CCNC: variants seen among roughly 807,000 people sequenced by gnomAD.
CCNC encodes the protein cyclin-C.
A neutral mutation model predicts 50.0 loss-of-function variants in CCNC; 19 were observed. That is an observed-to-expected ratio of 0.38 (90% confidence interval 0.27 to 0.56). The LOEUF is 0.56. CCNC is among the 20% of genes least tolerant of loss of function. The probability of loss-of-function intolerance (pLI) is 0.72; values close to 1 mark genes in which losing one functional copy is unlikely to be tolerated. For missense variants in CCNC, 200 were observed against 327.1 expected (o/e 0.61, Z 3.00); for synonymous variants, 93 against 103.7 (o/e 0.90, Z 0.63).
Position 99,550,280 on chromosome 6 carries a change from A to G in CCNC, c.468T>C (p.Tyr156=), listed in dbSNP as rs936407288. Residue 156 remains tyrosine, a synonymous_variant, in exon 8 of 12, where the codon TAT becomes TAC. Transcript: ENST00000520429. ...MDCCLIVYHP[Y]RPLLQYVQDM... ...CCTGCACATACTGGAGCAAAGGTCT[A>G]TAAGGATGATACACTATCAAGCAAC... 4.3e-6 allele frequency: 7 copies of G among 1,612,648 alleles called. No homozygotes were observed. In the East Asian group the frequency reaches 6.7e-5, roughly 15 times the overall value.
chr6:99,552,378 ACTTT>A (rs1212263169), intron 5 of CCNC, among the ~76,000 whole-genome samples: 2 of 152,180 alleles, frequency 1.3e-5, no homozygotes, highest in Non-Finnish European at 2.9e-5. Flanking sequence ...ACTAATCTGC[ACTTT>A]CTAAACTTTT....
intron 9 of CCNC, among the ~76,000 whole-genome samples, chr6:99,548,541 G>A (rs529262902): frequency 1.4e-3 from 208 of 151,716 alleles, no homozygotes; most frequent in Non-Finnish European, 2.1e-3. Flanking sequence ...GGGCTGGGGT[G>A]CAGTGGCTCA....
intron 6 of CCNC, among the ~76,000 whole-genome samples, chr6:99,551,594 A>G (rs1314752503): frequency 6.6e-6 from 1 of 152,134 alleles, no homozygotes; most frequent in Admixed American, 6.5e-5. Context: ...TCTGGAAAGG[A>G]TCCAACATCA....
At chr6:99,557,139 C>A (rs531764723) in intron 5 of CCNC, 1 of 152,334 alleles carries the variant, frequency 6.6e-6, no homozygotes, top group South Asian at 2.1e-4. Flanking sequence ...ACTTCCTTCA[C>A]CAAGTTCTAC....
intron 5 of CCNC, among the ~76,000 whole-genome samples, chr6:99,553,896 G>A (rs1397893070): frequency 3.9e-5 from 6 of 152,132 alleles, no homozygotes; most frequent in Admixed American, 2.0e-4. Context: ...TTAGTATGGC[G>A]CATTTGTTAC....
At chr6:99,546,345 T>C (rs2114253045) in intron 10 of CCNC, 50 bp downstream of exon 10, 1 of 1,191,098 alleles carries the variant, frequency 8.4e-7, no homozygotes, top group Non-Finnish European at 1.3e-6. Flanking sequence ...GATAAGTAAA[T>C]ATGACATTAA....
chr6:99,556,548 G>A (rs1324803180), intron 5 of CCNC, among the ~76,000 whole-genome samples: 1 of 152,170 alleles, frequency 6.6e-6, no homozygotes, highest in African/African-American at 2.4e-5. Context: ...GCCAGGCACA[G>A]TGGCTCACGC....
intron 5 of CCNC, among the ~76,000 whole-genome samples, chr6:99,557,011 G>A (rs1802545249): frequency 6.6e-6 from 1 of 152,144 alleles, no homozygotes; most frequent in African/African-American, 2.4e-5. Flanking sequence ...ATTAGGTAAG[G>A]AGTTTTCCCC....
intron 4 of CCNC, among the ~76,000 whole-genome samples, chr6:99,559,947 T>G (rs936880288): frequency 6.6e-6 from 1 of 152,062 alleles, no homozygotes; most frequent in African/African-American, 2.4e-5. Context: ...CTCAAACTCC[T>G]GACCTCAGGT....
chr6:99,561,121 T>C (rs28593162), intron 4 of CCNC, among the ~76,000 whole-genome samples: 1 of 152,212 alleles, frequency 6.6e-6, no homozygotes, highest in Non-Finnish European at 1.5e-5. Flanking sequence ...ATTTATAAAA[T>C]GGGAATACTA....
At chr6:99,548,378 C>G (rs1027444575) in intron 9 of CCNC, among the ~76,000 whole-genome samples, 2 of 152,106 alleles carry the variant, frequency 1.3e-5, no homozygotes, top group African/African-American at 4.8e-5. Context: ...GCCAGTAATA[C>G]AGAAGTGTAA....
intron 11 of CCNC, chr6:99,543,878 G>T: frequency 7.7e-7 from 1 of 1,293,890 alleles, no homozygotes; most frequent in Non-Finnish European, 9.8e-7. Flanking sequence ...TTTAAATTAG[G>T]GTATGGGATT....
chr6:99,557,095 T>G (rs1802551311), intron 5 of CCNC: 1 of 152,212 alleles, frequency 6.6e-6, no homozygotes, highest in Non-Finnish European at 1.5e-5. Context: ...TTCAGTGTTC[T>G]TAGACTGTCT....
chr6:99,568,802 T>A (rs1293822049), upstream of CCNC: 3 of 996,830 alleles, frequency 3.0e-6, no homozygotes, highest in Admixed American at 1.1e-4. Context: ...TTGGAGGTGC[T>A]GAGATTGAAG....
chr6:99,551,117 A>G, intron 6 of CCNC, 89 bp from the exon 7 acceptor site: 1 of 655,306 alleles, frequency 1.5e-6, no homozygotes, highest in Non-Finnish European at 2.1e-6. Context: ...CAGACATTAT[A>G]GTAATTTATC....
At chr6:99,568,665 AAAGG>A, upstream of CCNC, 2 of 1,518,350 alleles carry the variant, frequency 1.3e-6, no homozygotes, top group Non-Finnish European at 1.8e-6. Flanking sequence ...GGCGACGGCG[AAAGG>A]AAGAGGATGG....
At chr6:99,549,233 TAAAC>T (rs1195380473) in intron 9 of CCNC, 3 of 474,836 alleles carry the variant, frequency 6.3e-6, no homozygotes, top group Admixed American at 3.7e-5. Context: ...CTTTTCCCTC[TAAAC>T]AAACAAATAT....
Position 99,545,247 on chromosome 6 carries a change from GAAAA to G in CCNC, c.679-21_679-18del. 1 of 1,400,230 alleles carries G rather than the reference GAAAA, an allele frequency of 7.1e-7. No individual in the cohort carries two copies. The highest frequency in any genetic ancestry group is 1.0e-6 in the Non-Finnish European group (1 of 987,980). The allele number at this position is 1,400,230 out of a possible 1,614,324, so 86.7% of individuals were successfully genotyped here. On this transcript the variant is annotated intron_variant, in intron 10 of 11. Transcript: ENST00000520429. ...TTCCAAAATCTAGAAGAAAATATTTGAAAAGTTCTCAGTGGCAAAAACAAGCAAC... is the reference window on the plus strand; with the variant it reads ...TTCCAAAATCTAGAAGAAAATATTTGGTTCTCAGTGGCAAAAACAAGCAAC...
In CCNC at chr6:99,542,633, A is replaced by C. The variant is rs984678418; in HGVS notation, c.*922T>G. The C allele has an allele frequency of 3.3e-5, 5 of 152,602 alleles. No individual in the cohort carries two copies. Among genetic ancestry groups the C allele is most frequent in the Admixed American group, 2.0e-4 (3 of 15,282 alleles). The allele number at this position is 152,602 out of a possible 1,614,324, so 9.5% of individuals were successfully genotyped here. ...GATGTCCTACTCTCATATTAGAATTAAGGACAGCCAGTATCAAACTGGCCT... is the reference window on the plus strand; with the variant it reads ...GATGTCCTACTCTCATATTAGAATTCAGGACAGCCAGTATCAAACTGGCCT... On this transcript the variant is annotated 3_prime_UTR_variant, in exon 12 of 12. Transcript: ENST00000520429.
Sources: gnomAD v4.1 joint callset for allele counts (sites outside exome capture counted in the v4.1 genomes callset) on GRCh38, gnomAD v4.1.1 for gene constraint, MANE v1.5 for transcripts, NCBI Gene and HGNC (gene_info 2026-07-23, HGNC 2026-07-21) for gene names.